The following ZMIZ1 variants were observed in gnomAD, a reference collection of about 807,000 sequenced individuals.
ZMIZ1 encodes zinc finger MIZ-type containing 1.
Under a neutral mutation model 113.9 loss-of-function variants are expected in ZMIZ1, and 17 were observed. That is an observed-to-expected ratio of 0.15 (90% CI 0.10 to 0.22). ZMIZ1 has a LOEUF of 0.22. Ranked by LOEUF, ZMIZ1 falls within the 10% of genes least tolerant of loss-of-function variation. The pLI, the probability that ZMIZ1 is intolerant of heterozygous loss-of-function variation, is 1.00. For missense variants in ZMIZ1, 1,059 were observed against 1,477.8 expected (o/e 0.72, Z 4.65); for synonymous variants, 607 against 603.1 (o/e 1.01, Z -0.09).
chr10:79,305,451 C>T, intron 20 of ZMIZ1, 82 bp from the exon 21 acceptor site: 1 of 1,490,946 alleles, frequency 6.7e-7, no homozygotes, highest in Non-Finnish European at 9.4e-7. Context: ...GGTGGGACCC[C>T]ACTGACACTG....
chr10:79,114,547 G>GTGTGTGT, intron 1 of ZMIZ1, among the ~76,000 whole-genome samples: 1 of 148,648 alleles, frequency 6.7e-6, no homozygotes, highest in African/African-American at 2.5e-5. Context: ...GTGTGAAGGT[G>GTGTGTGT]GGAGGGAGAA....
intron 7 of ZMIZ1, among the ~76,000 whole-genome samples, chr10:79,234,381 G>A (rs1345546415): frequency 2.0e-5 from 3 of 152,164 alleles, no homozygotes; most frequent in Non-Finnish European, 2.9e-5. Flanking sequence ...TGACTTACCA[G>A]TTCTGAGGAT....
intron 8 of ZMIZ1, among the ~76,000 whole-genome samples, chr10:79,280,317 C>T (rs1301357472): frequency 6.6e-6 from 1 of 152,132 alleles, no homozygotes; most frequent in East Asian, 1.9e-4. Context: ...CCCTGTTGGA[C>T]AAGCTGGAAT....
intron 6 of ZMIZ1, among the ~76,000 whole-genome samples, chr10:79,211,077 C>T (rs1363986573): frequency 6.6e-6 from 1 of 152,190 alleles, no homozygotes; most frequent in Non-Finnish European, 1.5e-5. Context: ...CCTTAGAGCT[C>T]AGTAGAGCCA....
chr10:79,204,976 G>C (rs1848252839), intron 5 of ZMIZ1, among the ~76,000 whole-genome samples: 1 of 151,968 alleles, frequency 6.6e-6, no homozygotes, highest in Non-Finnish European at 1.5e-5. Flanking sequence ...ATTTAGGATG[G>C]ATGGATGGAT....
intron 7 of ZMIZ1, among the ~76,000 whole-genome samples, chr10:79,230,710 T>C (rs1276107580): frequency 6.6e-6 from 1 of 152,218 alleles, no homozygotes; most frequent in Non-Finnish European, 1.5e-5. Context: ...TGAAGCATGC[T>C]GGATGCGGTG....
In ZMIZ1 at chr10:79,262,894, G is replaced by A. The variant is rs144132605; in HGVS notation, c.281-14287G>A. Among the ~76,000 whole-genome samples, 17 of 152,322 alleles carry A rather than the reference G, an allele frequency of 1.1e-4. No individual in the cohort carries two copies. In the East Asian group the frequency reaches 3.3e-3, roughly 29 times the overall value. On this transcript the variant is annotated intron_variant, in intron 7 of 24. Coordinates refer to ENST00000334512, the MANE Select transcript of ZMIZ1 (RefSeq NM_020338.4). ...GGTTTAATAACAGCCAGGCATATGT[G>A]ATTTCCAGGGCTGTCAAGCCTCCAT...
At chr10:79,072,971 G>A (rs189252682) in intron 1 of ZMIZ1, among the ~76,000 whole-genome samples, 230 of 152,294 alleles carry the variant, frequency 1.5e-3, no homozygotes, top group African/African-American at 5.1e-3. Flanking sequence ...TGTAAGCTCC[G>A]GGGCGTTCTG....
chr10:79,254,921 G>A (rs1044945755), intron 7 of ZMIZ1, among the ~76,000 whole-genome samples: 10 of 152,320 alleles, frequency 6.6e-5, no homozygotes, highest in African/African-American at 2.4e-4. Context: ...AAGGGCGTGT[G>A]GTTGAAGAAA....
intron 1 of ZMIZ1, among the ~76,000 whole-genome samples, chr10:79,111,165 G>T (rs921472707): frequency 6.6e-6 from 1 of 152,186 alleles, no homozygotes; most frequent in Non-Finnish European, 1.5e-5. Flanking sequence ...TCCAGTAGAG[G>T]ATGCAATGTC....
At chr10:79,221,284 G>A (rs11819207) in intron 7 of ZMIZ1, among the ~76,000 whole-genome samples, 80 of 152,210 alleles carry the variant, frequency 5.3e-4, no homozygotes, top group East Asian at 4.4e-3. Context: ...GTGTGTGTGC[G>A]TGTGTGTGTC....
chr10:79,276,115 G>A (rs1852271608), intron 7 of ZMIZ1, among the ~76,000 whole-genome samples: 1 of 152,160 alleles, frequency 6.6e-6, no homozygotes, highest in Admixed American at 6.5e-5. Context: ...GACCCAGCAG[G>A]CCCCCATCCG....
At chr10:79,293,803 G>A (rs1250559) in intron 12 of ZMIZ1, 150 bp downstream of exon 12, 493,731 of 1,210,598 alleles carry the variant, frequency 0.41, 102,750 homozygotes, top group East Asian at 0.67. Context: ...GTGCTCCTGG[G>A]TTTGAGACCT....
intron 17 of ZMIZ1, 46 bp from the exon 18 acceptor site, chr10:79,302,059 GGT>G: frequency 6.3e-7 from 1 of 1,590,770 alleles, no homozygotes; most frequent in Non-Finnish European, 8.6e-7. Context: ...GGCAGGGCGG[GGT>G]GTGGGGACAG....
intron 18 of ZMIZ1, 46 bp from the exon 19 acceptor site, chr10:79,303,969 A>G: frequency 6.2e-7 from 1 of 1,611,266 alleles, no homozygotes; most frequent in African/African-American, 1.3e-5. Flanking sequence ...CTACCTCTGC[A>G]GGACTGTCTT....
At chr10:79,306,738 G>A (rs1233444087) in intron 22 of ZMIZ1, among the ~76,000 whole-genome samples, 3 of 152,174 alleles carry the variant, frequency 2.0e-5, no homozygotes, top group Non-Finnish European at 2.9e-5. Context: ...TTACGCTCCC[G>A]GCTGCCCAGA....
chr10:79,158,231 C>T (rs764790023), intron 3 of ZMIZ1, among the ~76,000 whole-genome samples: 1 of 152,204 alleles, frequency 6.6e-6, no homozygotes, highest in Non-Finnish European at 1.5e-5. Context: ...CAGCAGCAAG[C>T]ATGAAGAGCT....
chr10:79,241,450 G>A (rs1479058662), intron 7 of ZMIZ1, among the ~76,000 whole-genome samples: 1 of 152,174 alleles, frequency 6.6e-6, no homozygotes, highest in African/African-American at 2.4e-5. Context: ...GATAAGCAGA[G>A]CCTGGAATTT....
intron 3 of ZMIZ1, among the ~76,000 whole-genome samples, chr10:79,141,953 A>G (rs1471258112): frequency 6.6e-6 from 1 of 152,188 alleles, no homozygotes; most frequent in Non-Finnish European, 1.5e-5. Context: ...ACAGGGACGA[A>G]GGGGTAGTGG....
Sources: gnomAD v4.1 joint callset for allele counts (sites outside exome capture counted in the v4.1 genomes callset) on GRCh38, gnomAD v4.1.1 for gene constraint, MANE v1.5 for transcripts, NCBI Gene and HGNC (gene_info 2026-07-23, HGNC 2026-07-21) for gene names.